The following PCDHGB3 variants were observed in gnomAD, a reference collection of about 807,000 sequenced individuals.
The protein encoded by PCDHGB3 is protocadherin gamma subfamily B, 3, also known as protocadherin gamma-B3.
A neutral mutation model predicts 59.2 loss-of-function variants in PCDHGB3; 40 were observed. That is an observed-to-expected ratio of 0.68 (90% confidence interval 0.52 to 0.88). PCDHGB3 has a LOEUF of 0.88. Among genes scored for constraint, PCDHGB3 ranks in the 40% least tolerant of loss-of-function variants. The pLI, the probability that PCDHGB3 is intolerant of heterozygous loss-of-function variation, is 0.00. For synonymous variants in PCDHGB3, 581 were observed against 503.6 expected, an observed-to-expected ratio of 1.15 and a Z score of -2.06; for missense variants, 1,309 against 1,187.9, an observed-to-expected ratio of 1.10 and a Z score of -1.50.
chr5:141,431,607 A>G lies in PCDHGB3; in HGVS notation c.2415+58798A>G. ...GCGGAAGTGAGGTATTCCTTCCGGT[A>G]TGTGGACGACAAGGCGGCCCAAGTT... is the stretch of plus-strand genomic sequence containing the variant. On this transcript the variant is annotated intron_variant, in intron 1 of 3. Transcript: ENST00000576222. The surrounding 1 kb of genome is among the most constrained non-coding windows in gnomAD (Gnocchi z 4.8). 6.2e-7 allele frequency: 1 copy of G among 1,614,230 alleles called. No individual in the cohort carries two copies. Among genetic ancestry groups the G allele is most frequent in the Non-Finnish European group, 8.5e-7 (1 of 1,180,040 alleles).
At chr5:141,455,282 A>C (rs1307886349) in intron 1 of PCDHGB3, among the ~76,000 whole-genome samples, 1 of 152,056 alleles carries the variant, frequency 6.6e-6, no homozygotes, top group Non-Finnish European at 1.5e-5. Flanking sequence ...TATTAACATC[A>C]CTTTACATAG....
chr5:141,475,867 G>A (rs2099377217), intron 1 of PCDHGB3: 1 of 504,884 alleles, frequency 2.0e-6, no homozygotes, highest in Non-Finnish European at 3.5e-6. Flanking sequence ...CTCATTCTTC[G>A]TGCAGTTATT....
chr5:141,400,503 G>T, intron 1 of PCDHGB3: 1 of 1,614,022 alleles, frequency 6.2e-7, no homozygotes, highest in Non-Finnish European at 8.5e-7. Context: ...ATTCCAGCGA[G>T]TCGACTTCCC....
chr5:141,478,364 G>A (rs1382073187), intron 1 of PCDHGB3: 2 of 1,613,660 alleles, frequency 1.2e-6, no homozygotes, highest in African/African-American at 2.7e-5. Flanking sequence ...CGTGCGGGGA[G>A]GCCTGATGTC....
chr5:141,477,059 A>T lies in PCDHGB3; in HGVS notation c.2416-17748A>T. The T allele has an allele frequency of 6.2e-7, 1 of 1,614,238 alleles. No homozygotes were observed. Among genetic ancestry groups the T allele is most frequent in the Non-Finnish European group, 8.5e-7 (1 of 1,180,036 alleles). ...CAAGGGTCGGCTGGACTTCGAGGAC[A>T]CCAAACTCCATGAGATTTACATCCA... On this transcript the variant is annotated intron_variant, in intron 1 of 3. Transcript: ENST00000576222. The surrounding 1 kb of genome is among the most constrained non-coding windows in gnomAD (Gnocchi z 4.9).
chr5:141,408,079 A>C (rs1176059527), intron 1 of PCDHGB3: 13 of 1,407,872 alleles, frequency 9.2e-6, no homozygotes, highest in Non-Finnish European at 1.1e-5. Context: ...CTTTCCCAGC[A>C]CAGCGGATTG....
intron 1 of PCDHGB3, among the ~76,000 whole-genome samples, chr5:141,449,616 G>A (rs1279953840): frequency 1.6e-4 from 24 of 146,738 alleles, no homozygotes; most frequent in Non-Finnish European, 2.3e-4. Flanking sequence ...AAGTAAAAAA[G>A]TTTTTTAAAA....
intron 1 of PCDHGB3, chr5:141,389,554 C>T: frequency 1.2e-6 from 2 of 1,613,184 alleles, no homozygotes; most frequent in South Asian, 1.1e-5. Context: ...AACGACAATG[C>T]GCCACGGGTG....
In PCDHGB3 at chr5:141,370,557, G is replaced by A. The variant is rs1439774902; in HGVS notation, c.163G>A (p.Gly55Arg). 1 of 1,613,966 alleles carries A rather than the reference G, an allele frequency of 6.2e-7. No individual in the cohort carries two copies. Among genetic ancestry groups the A allele is most frequent in the East Asian group, 2.2e-5 (1 of 44,882 alleles). Residue 55 changes from glycine (G) to arginine (R), a missense_variant, in exon 1 of 4, where the codon GGG becomes AGG. Gly to Arg is a moderately radical substitution (Grantham distance 125). Coordinates refer to ENST00000576222, the MANE Select transcript of PCDHGB3 (RefSeq NM_018924.5). ...SLVGNLAKDLGFGVGDLPTRN... is the reference protein window; with the variant it reads ...SLVGNLAKDLRFGVGDLPTRN... Reference sequence around the variant, plus strand: ...GGTAGGGAACCTCGCCAAGGACCTGGGGTTTGGCGTGGGGGATTTACCTAC... The same window carrying A: ...GGTAGGGAACCTCGCCAAGGACCTGAGGTTTGGCGTGGGGGATTTACCTAC...
In PCDHGB3 at chr5:141,431,543, C is replaced by T. The variant is rs1334234544; in HGVS notation, c.2415+58734C>T. The T allele has an allele frequency of 1.9e-6, 3 of 1,614,128 alleles. No individual in the cohort carries two copies. The highest frequency in any genetic ancestry group is 2.5e-6 in the Non-Finnish European group (3 of 1,180,036). ...GAATCTGGCCTTGGGCACGCAGCTGCTTGTAGTCAACGCTACCGACCCTGA... is the reference window on the plus strand; with the variant it reads ...GAATCTGGCCTTGGGCACGCAGCTGTTTGTAGTCAACGCTACCGACCCTGA... On this transcript the variant is annotated intron_variant, in intron 1 of 3. Transcript: ENST00000576222. This position sits in a 1 kb window ranked among gnomAD's most constrained non-coding sequence, Gnocchi z 4.8.
intron 1 of PCDHGB3, chr5:141,417,879 A>G (rs2096177010): frequency 7.1e-6 from 11 of 1,559,306 alleles, no homozygotes; most frequent in South Asian, 2.3e-5. Flanking sequence ...AGCTGCGCGC[A>G]GAGGCGCCGG....
chr5:141,430,655 G>C (rs1309165721), intron 1 of PCDHGB3: 2 of 1,085,056 alleles, frequency 1.8e-6, no homozygotes, highest in Non-Finnish European at 2.6e-6. Flanking sequence ...TGGAAACAAC[G>C]GAGGAGCTCT....
At chr5:141,506,910 G>C (rs1165112258) in intron 3 of PCDHGB3, among the ~76,000 whole-genome samples, 1 of 152,082 alleles carries the variant, frequency 6.6e-6, no homozygotes, top group Admixed American at 6.5e-5. Context: ...ATCACACCTG[G>C]GCACATACTA....
At chr5:141,422,292 T>C in intron 1 of PCDHGB3, 1 of 1,552,434 alleles carries the variant, frequency 6.4e-7, no homozygotes. Context: ...CTTCTATTAA[T>C]TCAATTCTGG....
chr5:141,510,223 G>C (rs944276162), intron 3 of PCDHGB3, among the ~76,000 whole-genome samples: 1 of 151,302 alleles, frequency 6.6e-6, no homozygotes, highest in African/African-American at 2.4e-5. Context: ...CAGTGAGCCG[G>C]GATCGCGCCA....
chr5:141,485,539 G>C lies in PCDHGB3; in HGVS notation c.2416-9268G>C, dbSNP rs370323886. The C allele has an allele frequency of 9.9e-6, 16 of 1,613,986 alleles. No homozygotes were observed. In the African/African-American group the frequency reaches 2.0e-4, roughly 20 times the overall value. On this transcript the variant is annotated intron_variant, in intron 1 of 3. Transcript: ENST00000576222. This position sits in a 1 kb window ranked among gnomAD's most constrained non-coding sequence, Gnocchi z 5.7. ...TGGAAATGTACCGAGCAGAGGTAGA[G>C]ATCGTAGATGTGAATGATCACGCCC... is the stretch of plus-strand genomic sequence containing the variant.
intron 1 of PCDHGB3, chr5:141,384,517 C>G: frequency 6.2e-7 from 1 of 1,614,192 alleles, no homozygotes; most frequent in South Asian, 1.1e-5. Context: ...CAGCGGGGAC[C>G]CGCCTCTCAG....
At chr5:141,416,698 A>G (rs2096053724) in intron 1 of PCDHGB3, 1 of 152,250 alleles carries the variant, frequency 6.6e-6, no homozygotes, top group Non-Finnish European at 1.5e-5. Context: ...TAAACAAAGG[A>G]TCATTGGAGG....
In PCDHGB3 at chr5:141,462,417, A is replaced by G. The variant is rs184240612; in HGVS notation, c.2416-32390A>G. 4.0e-4 allele frequency among the ~76,000 whole-genome samples: 61 copies of G among 152,300 alleles called. 1 individual carries two copies. The highest frequency in any genetic ancestry group is 3.2e-3 in the Admixed American group (49 of 15,300). ...TCTTTTATGGCACAGAATATGGTCT[A>G]TCTTGGTGAGTGTTGCTTACACACA... On this transcript the variant is annotated intron_variant, in intron 1 of 3. Transcript: ENST00000576222.
Sources: gnomAD v4.1 joint callset for allele counts (sites outside exome capture counted in the v4.1 genomes callset) on GRCh38, gnomAD v4.1.1 for gene constraint, Gnocchi (gnomAD v3.1) non-coding constraint, MANE v1.5 for transcripts, NCBI Gene and HGNC (gene_info 2026-07-23, HGNC 2026-07-21) for gene names.